Variants in MYOM1 observed in about 807,000 individuals in gnomAD.
MYOM1 encodes myomesin 1.
MYOM1 carries 164 observed loss-of-function variants against 205.3 expected under a neutral mutation model. That is an observed-to-expected ratio of 0.80 (90% CI 0.70 to 0.91). MYOM1 has a LOEUF of 0.91. Among genes scored for constraint, MYOM1 ranks in the 40% least tolerant of loss-of-function variants. The probability of loss-of-function intolerance (pLI) is 0.00; values close to 1 mark genes in which losing one functional copy is unlikely to be tolerated. For missense variants in MYOM1, 2,011 were observed against 2,127.3 expected (o/e 0.95, Z 1.08); for synonymous variants, 772 against 789.4 (o/e 0.98, Z 0.37).
the MYOM1 span, among the ~76,000 whole-genome samples, chr18:3,243,851 G>A: frequency 6.6e-6 from 1 of 152,050 alleles, no homozygotes; most frequent in Admixed American, 6.5e-5. Context: ...AGAATACCTA[G>A]CACATAATAG....
chr18:3,094,737 C>A (rs945847409), intron 25 of MYOM1, among the ~76,000 whole-genome samples: 22 of 151,968 alleles, frequency 1.4e-4, no homozygotes, highest in Admixed American at 1.3e-4. Context: ...TCTCGGCTCA[C>A]TGCAACCTCT....
intron 10 of MYOM1, among the ~76,000 whole-genome samples, chr18:3,155,628 C>A (rs1031597496): frequency 6.6e-6 from 1 of 152,206 alleles, no homozygotes; most frequent in Non-Finnish European, 1.5e-5. Flanking sequence ...AACCCATGAC[C>A]TTTGCCTCAT....
the MYOM1 span, among the ~76,000 whole-genome samples, chr18:3,229,037 G>A: frequency 6.6e-6 from 1 of 152,258 alleles, no homozygotes; most frequent in Non-Finnish European, 1.5e-5. Flanking sequence ...TGGTCTCTAA[G>A]TGTTGAGCAC....
In MYOM1 at chr18:3,160,589, A is replaced by G. The variant is rs116009928; in HGVS notation, c.1501+3689T>C. On this transcript the variant is annotated intron_variant, in intron 10 of 37. Transcript: ENST00000356443. Reference sequence around the variant, plus strand: ...AACATGAGTGAACTTTATGGTATACAAATTATATCTCAAAAATATGCTTTA... The same window carrying G: ...AACATGAGTGAACTTTATGGTATACGAATTATATCTCAAAAATATGCTTTA... 3.8e-3 allele frequency among the ~76,000 whole-genome samples: 580 copies of G among 152,376 alleles called. 4 individuals are homozygous for G. The highest frequency in any genetic ancestry group is 0.013 in the African/African-American group (549 of 41,590).
chr18:3,147,182 G>C (rs1460063855), intron 13 of MYOM1, among the ~76,000 whole-genome samples: 1 of 130,930 alleles, frequency 7.6e-6, no homozygotes, highest in East Asian at 1.9e-4. Flanking sequence ...TAAAAAGTCA[G>C]ATACTCTAAC....
intron 5 of MYOM1, among the ~76,000 whole-genome samples, chr18:3,182,187 T>C (rs535224700): frequency 1.3e-5 from 2 of 152,074 alleles, no homozygotes; most frequent in Non-Finnish European, 2.9e-5. Flanking sequence ...TTCCTGATCT[T>C]CCTGCAGGCT....
At chr18:3,086,927 A>G (rs550640298) in intron 29 of MYOM1, among the ~76,000 whole-genome samples, 36 of 152,372 alleles carry the variant, frequency 2.4e-4, no homozygotes, top group African/African-American at 8.4e-4. Context: ...AAATACAACC[A>G]TAAAACCAAC....
chr18:3,185,030 T>C (rs935006887), intron 5 of MYOM1, among the ~76,000 whole-genome samples: 1 of 152,256 alleles, frequency 6.6e-6, no homozygotes, highest in African/African-American at 2.4e-5. Context: ...AGTATTTCTA[T>C]TTTTGAATTT....
At chr18:3,071,977 AT>A in intron 36 of MYOM1, 88 bp from the exon 37 acceptor site, 1 of 1,159,072 alleles carries the variant, frequency 8.6e-7, no homozygotes. Flanking sequence ...TACATTTCCA[AT>A]TTAGTTTCCT....
At chr18:3,086,577 A>T (rs1408789366) in intron 29 of MYOM1, among the ~76,000 whole-genome samples, 1 of 141,336 alleles carries the variant, frequency 7.1e-6, no homozygotes, top group Non-Finnish European at 1.6e-5. Context: ...ATCTATATCT[A>T]AAAGTTTAAT....
intron 33 of MYOM1, among the ~76,000 whole-genome samples, chr18:3,080,865 G>T (rs1453023356): frequency 6.6e-6 from 1 of 152,170 alleles, no homozygotes; most frequent in Non-Finnish European, 1.5e-5. Flanking sequence ...CGGGCGTGGT[G>T]GCTCACGCCT....
Position 3,135,252 on chromosome 18 carries a change from C to A in MYOM1, c.2209+295G>T. The A allele has an allele frequency of 3.3e-6, 1 of 303,338 alleles. No individual in the cohort carries two copies. Among genetic ancestry groups the A allele is most frequent in the Non-Finnish European group, 6.1e-6 (1 of 163,024 alleles). 18.8% of individuals were successfully genotyped at this position (303,338 alleles called of 1,614,324 possible). ...GACATGAGCCACCGCGCCTGGCCTA[C>A]ATTGTATTTTTTAAAGCAAAAAATT... is the stretch of plus-strand genomic sequence containing the variant. On this transcript the variant is annotated intron_variant, in intron 15 of 37. Transcript: ENST00000356443. This position sits in a 1 kb window ranked among gnomAD's most constrained non-coding sequence, Gnocchi z 4.1.
intron 2 of MYOM1, among the ~76,000 whole-genome samples, chr18:3,206,092 G>A (rs1019365560): frequency 1.3e-5 from 2 of 152,176 alleles, no homozygotes; most frequent in South Asian, 4.1e-4. Context: ...ACTCGAGAGT[G>A]AGCTTCTGTC....
intron 12 of MYOM1, among the ~76,000 whole-genome samples, chr18:3,150,187 G>A (rs2080197144): frequency 6.6e-6 from 1 of 152,142 alleles, no homozygotes; most frequent in African/African-American, 2.4e-5. Flanking sequence ...AGCCTCCCGA[G>A]TAGCTGGGAT....
chr18:3,213,192 C>T (rs1349262255), intron 2 of MYOM1, among the ~76,000 whole-genome samples: 1 of 152,228 alleles, frequency 6.6e-6, no homozygotes, highest in Admixed American at 6.5e-5. Flanking sequence ...AAACCGACCA[C>T]TCTATTATTT....
intron 2 of MYOM1, among the ~76,000 whole-genome samples, chr18:3,201,171 G>A (rs1173639576): frequency 5.9e-5 from 9 of 152,240 alleles, no homozygotes; most frequent in East Asian, 1.9e-4. Flanking sequence ...GGCTGAAGGG[G>A]GTGCATCACT....
the MYOM1 span, among the ~76,000 whole-genome samples, chr18:3,226,342 C>T: frequency 2.6e-5 from 4 of 152,108 alleles, no homozygotes; most frequent in Non-Finnish European, 5.9e-5. The surrounding 1 kb of genome is among the most constrained non-coding windows in gnomAD (Gnocchi z 4.6). Context: ...CTTCCAATGG[C>T]TCCTCACTGC....
At chr18:3,075,336 T>TA (rs1226344344) in intron 36 of MYOM1, 118 bp downstream of exon 36, 1 of 984,186 alleles carries the variant, frequency 1.0e-6, no homozygotes, top group Non-Finnish European at 1.5e-6. Flanking sequence ...ACCTAAGATT[T>TA]AAAAAAGAAA....
At position 3,106,396 on chromosome 18, in the gene MYOM1, G is replaced by A. The variant is rs1017788780; in HGVS notation, c.3419-3766C>T. 1.4e-4 allele frequency among the ~76,000 whole-genome samples: 22 copies of A among 152,280 alleles called. No homozygotes were observed. In the East Asian group the frequency reaches 3.1e-3, roughly 21 times the overall value. On this transcript the variant is annotated intron_variant, in intron 22 of 37. Coordinates refer to ENST00000356443, the MANE Select transcript of MYOM1 (RefSeq NM_003803.4). ...TTTTTAGGTTCTAAGCCACATCTGT[G>A]TTTCAACTTCAACCTATGAGTCGTA...
Sources: allele counts gnomAD v4.1 joint callset (sites outside exome capture counted in the v4.1 genomes callset), GRCh38; gene constraint gnomAD v4.1.1; non-coding constraint Gnocchi (gnomAD v3.1); transcripts MANE v1.5; gene names NCBI Gene and HGNC (gene_info 2026-07-23, HGNC 2026-07-21).